The following TMEM44 variants were observed in gnomAD, a reference collection of about 807,000 sequenced individuals.
TMEM44 encodes transmembrane protein 44.
TMEM44 carries 43 observed loss-of-function variants against 47.8 expected under a neutral mutation model. The observed-to-expected ratio is 0.90, with a 90% CI of 0.70 to 1.16. The LOEUF is 1.16. Among genes scored for constraint, TMEM44 ranks in the 50% most tolerant of loss-of-function variants. The pLI, the probability that TMEM44 is intolerant of heterozygous loss-of-function variation, is 0.00. For synonymous variants in TMEM44, 277 were observed against 238.8 expected, an observed-to-expected ratio of 1.16 and a Z score of -1.48; for missense variants, 568 against 555.2, an observed-to-expected ratio of 1.02 and a Z score of -0.23.
intron 8 of TMEM44, among the ~76,000 whole-genome samples, chr3:194,610,152 G>A (rs952194573): frequency 2.0e-5 from 3 of 151,734 alleles, no homozygotes; most frequent in Admixed American, 6.6e-5. Flanking sequence ...ACTTGAACCC[G>A]GGGGGCTGCA....
chr3:194,598,662 A>G (rs1190280056), intron 9 of TMEM44, among the ~76,000 whole-genome samples: 1 of 152,270 alleles, frequency 6.6e-6, no homozygotes, highest in East Asian at 1.9e-4. Context: ...TGGATTTCAA[A>G]CACTTTATGA....
chr3:194,598,117 C>A (rs1463391809), intron 9 of TMEM44, among the ~76,000 whole-genome samples: 2 of 152,150 alleles, frequency 1.3e-5, no homozygotes, highest in African/African-American at 4.8e-5. Flanking sequence ...GAAATCTGCA[C>A]AGCCCAGGAA....
intron 5 of TMEM44, among the ~76,000 whole-genome samples, chr3:194,618,952 G>A (rs1353365786): frequency 6.6e-6 from 1 of 152,232 alleles, no homozygotes; most frequent in African/African-American, 2.4e-5. Context: ...GGCCCGCTGG[G>A]CCCAGAGGCT....
rs186065719 is a variant in TMEM44 at position 194,631,246 on chromosome 3, C to T, written c.137+1833G>A. Among the ~76,000 whole-genome samples, 278 of 152,114 alleles carry T rather than the reference C, an allele frequency of 1.8e-3. 2 individuals carry two copies. The highest frequency in any genetic ancestry group is 0.01 in the South Asian group (50 of 4,794). ...TTCCGAAGGGGCTGGCTGTTTCTAT[C>T]GGCGTCACTGATAGGGCCTCTGAAA... On this transcript the variant is annotated intron_variant, in intron 1 of 9. Coordinates refer to ENST00000347147, the MANE Select transcript of TMEM44 (RefSeq NM_001011655.3).
chr3:194,610,659 C>T (rs1448959894), intron 8 of TMEM44, among the ~76,000 whole-genome samples: 1 of 152,146 alleles, frequency 6.6e-6, no homozygotes, highest in Non-Finnish European at 1.5e-5. Context: ...CCTTGAGCCA[C>T]ATTTTTCTTT....
In TMEM44 at chr3:194,611,468, G is replaced by C. The variant is rs1445029827; in HGVS notation, c.913-448C>G. On this transcript the variant is annotated intron_variant, in intron 7 of 9. Transcript: ENST00000347147. This position sits in a 1 kb window ranked among gnomAD's most constrained non-coding sequence, Gnocchi z 4.2. ...GGAGTGAAGCTGTGATCCAGGCACT[G>C]CATTCCAGCCTAGGGGACAGAGTGA... Among the ~76,000 whole-genome samples, 1 of 152,148 alleles carries C rather than the reference G, an allele frequency of 6.6e-6. No homozygotes were observed. The highest frequency in any genetic ancestry group is 2.4e-5 in the African/African-American group (1 of 41,424).
Position 194,615,665 on chromosome 3 carries a change from C to G in TMEM44, c.816G>C (p.Lys272Asn). Residue 272 changes from lysine (K) to asparagine (N), a missense_variant, in exon 7 of 10, where the codon AAG becomes AAC. Lys to Asn is a moderately conservative substitution (Grantham distance 94). Coordinates refer to ENST00000347147, the MANE Select transcript of TMEM44 (RefSeq NM_001011655.3). ...IIFLSCVMKS[K>N]MRQALGFAKE... ...TGGCAAATCCTAAGGCCTGTCTCAT[C>G]TTGCTCTTCATCACACACGAAAGGA... 6.2e-7 allele frequency: 1 copy of G among 1,614,160 alleles called. No homozygotes were observed. The highest frequency in any genetic ancestry group is 8.5e-7 in the Non-Finnish European group (1 of 1,180,000).
At chr3:194,626,715 G>A (rs1705980) in intron 2 of TMEM44, among the ~76,000 whole-genome samples, 108,144 of 136,436 alleles carry the variant, frequency 0.79, 43,140 homozygotes, top group East Asian at 0.97. Flanking sequence ...ACGGAGTCTC[G>A]CTCTGTCACC....
At chr3:194,606,941 A>T (rs1714837764) in intron 8 of TMEM44, among the ~76,000 whole-genome samples, 1 of 86,244 alleles carries the variant, frequency 1.2e-5, no homozygotes, top group Non-Finnish European at 2.4e-5. Flanking sequence ...CGACAGAGCG[A>T]GACTCTGCCT....
intron 1 of TMEM44, among the ~76,000 whole-genome samples, chr3:194,628,921 T>TG (rs1717469577): frequency 6.6e-6 from 1 of 152,274 alleles, no homozygotes; most frequent in East Asian, 1.9e-4. Flanking sequence ...CCCAGCAGTT[T>TG]GGGAGGCCGA....
chr3:194,617,564 T>G (rs1716046442), intron 5 of TMEM44: 1 of 659,006 alleles, frequency 1.5e-6, no homozygotes, highest in African/African-American at 1.8e-5. Context: ...TCCAGCGGAG[T>G]ACCTTTGATT....
At chr3:194,606,921 C>T (rs1370852037) in intron 8 of TMEM44, among the ~76,000 whole-genome samples, 5 of 130,412 alleles carry the variant, frequency 3.8e-5, no homozygotes. Context: ...CCACTGCACT[C>T]CAGCCTGGGC....
At chr3:194,606,714 C>T (rs1184286803) in intron 8 of TMEM44, among the ~76,000 whole-genome samples, 4 of 152,096 alleles carry the variant, frequency 2.6e-5, no homozygotes, top group African/African-American at 7.2e-5. Flanking sequence ...CCGAGGCAGG[C>T]GGATCACTTG....
At position 194,627,697 on chromosome 3, in the gene TMEM44, G is replaced by A. The variant is rs1408638988; in HGVS notation, c.264+686C>T. 2.0e-5 allele frequency among the ~76,000 whole-genome samples: 3 copies of A among 152,194 alleles called. No individual in the cohort carries two copies. In the East Asian group the frequency reaches 5.8e-4, roughly 29 times the overall value. On this transcript the variant is annotated intron_variant, in intron 2 of 9. Transcript: ENST00000347147. ...TTCACATACAAGAAGTAATAAACAG[G>A]TCAGGCGTGGTGGCTCAGGCCTGTA...
intron 9 of TMEM44, among the ~76,000 whole-genome samples, chr3:194,601,639 G>A (rs1171418548): frequency 6.6e-6 from 1 of 151,934 alleles, no homozygotes; most frequent in East Asian, 1.9e-4. Flanking sequence ...GTAGAGACGG[G>A]GTTTCGCCAC....
At chr3:194,625,583 C>T (rs991892333) in intron 3 of TMEM44, among the ~76,000 whole-genome samples, 3 of 152,150 alleles carry the variant, frequency 2.0e-5, no homozygotes, top group Non-Finnish European at 4.4e-5. Flanking sequence ...TGGGTTCAAG[C>T]GATTCTCCTG....
chr3:194,618,763 C>T (rs920944129), intron 5 of TMEM44, among the ~76,000 whole-genome samples: 14 of 151,960 alleles, frequency 9.2e-5, no homozygotes, highest in Non-Finnish European at 1.9e-4. Context: ...CCAATTTTGC[C>T]CCATTTTAAG....
At chr3:194,621,757 C>T (rs1716563574) in intron 5 of TMEM44, among the ~76,000 whole-genome samples, 1 of 151,704 alleles carries the variant, frequency 6.6e-6, no homozygotes, top group Non-Finnish European at 1.5e-5. Flanking sequence ...TGCTCAGTCA[C>T]CTAGGATGGA....
chr3:194,608,555 C>G (rs926499373), intron 8 of TMEM44, among the ~76,000 whole-genome samples: 6 of 152,174 alleles, frequency 3.9e-5, no homozygotes, highest in African/African-American at 1.4e-4. Flanking sequence ...GAAGGACAGA[C>G]GGGTCCTGCT....
Sources: gnomAD v4.1 joint callset for allele counts (sites outside exome capture counted in the v4.1 genomes callset) on GRCh38, gnomAD v4.1.1 for gene constraint, Gnocchi (gnomAD v3.1) non-coding constraint, MANE v1.5 for transcripts, NCBI Gene and HGNC (gene_info 2026-07-23, HGNC 2026-07-21) for gene names.